The following ENOX1 variants were observed in gnomAD, a reference collection of about 807,000 sequenced individuals.
The protein encoded by ENOX1 is ecto-NOX disulfide-thiol exchanger 1, also known as candidate growth-related and time keeping constitutive hydroquinone (NADH) oxidase.
ENOX1 carries 42 observed loss-of-function variants against 82.5 expected under a neutral mutation model. The observed-to-expected ratio is 0.51, with a 90% CI of 0.40 to 0.66. ENOX1 has a LOEUF of 0.66. Among genes scored for constraint, ENOX1 ranks in the 30% least tolerant of loss-of-function variants. The pLI is 0.00. For missense variants in ENOX1, 608 were observed against 811.6 expected (o/e 0.75, Z 3.05); for synonymous variants, 271 against 282.2 (o/e 0.96, Z 0.40).
At chr13:43,568,434 T>C (rs2080017088) in intron 2 of ENOX1, among the ~76,000 whole-genome samples, 1 of 152,148 alleles carries the variant, frequency 6.6e-6, no homozygotes, top group African/African-American at 2.4e-5. Flanking sequence ...CAGAGACTCC[T>C]CTGGTCTTTT....
intron 2 of ENOX1, among the ~76,000 whole-genome samples, chr13:43,649,548 T>A (rs1268000204): frequency 6.6e-6 from 1 of 152,230 alleles, no homozygotes; most frequent in Non-Finnish European, 1.5e-5. Context: ...CACACTTTGA[T>A]AATTCACTGA....
chr13:43,685,176 A>C (rs963438465), intron 1 of ENOX1, among the ~76,000 whole-genome samples: 4 of 152,178 alleles, frequency 2.6e-5, no homozygotes, highest in Non-Finnish European at 5.9e-5. Context: ...ACACTTTCCT[A>C]CAATGGGTCT....
intron 2 of ENOX1, among the ~76,000 whole-genome samples, chr13:43,575,672 A>C (rs560050251): frequency 1.3e-5 from 2 of 152,310 alleles, no homozygotes; most frequent in East Asian, 3.9e-4. Context: ...GGCTCAAAAC[A>C]ATAGGATGAG....
intron 1 of ENOX1, among the ~76,000 whole-genome samples, chr13:43,697,072 C>T (rs546671559): frequency 3.9e-5 from 6 of 152,164 alleles, no homozygotes; most frequent in African/African-American, 7.2e-5. Flanking sequence ...GATGACTCTA[C>T]GTTTTTGGCA....
intron 2 of ENOX1, among the ~76,000 whole-genome samples, chr13:43,631,546 CA>C (rs1330248540): frequency 6.6e-6 from 1 of 151,984 alleles, no homozygotes; most frequent in Non-Finnish European, 1.5e-5. Context: ...TGTACTCTGC[CA>C]GTTTGAGTCA....
At chr13:43,528,812 C>T (rs1474459379) in intron 2 of ENOX1, among the ~76,000 whole-genome samples, 2 of 152,010 alleles carry the variant, frequency 1.3e-5, no homozygotes, top group Non-Finnish European at 2.9e-5. Flanking sequence ...AATCCTCTTT[C>T]TTTCTTAGGT....
intron 2 of ENOX1, among the ~76,000 whole-genome samples, chr13:43,627,380 C>T (rs1422262145): frequency 6.6e-6 from 1 of 151,854 alleles, no homozygotes; most frequent in Non-Finnish European, 1.5e-5. Context: ...TTTAGAATTC[C>T]ATTTTGATTC....
In ENOX1 at chr13:43,720,994, T is replaced by C. The variant is rs367695153; in HGVS notation, c.-284-53450A>G. Among the ~76,000 whole-genome samples, 12 of 152,288 alleles carry C rather than the reference T, an allele frequency of 7.9e-5. No homozygotes were observed. The East Asian group carries it at 2.1e-3, about 27-fold the overall frequency. ...CAACCACTTGCTGGAAATAATGACA[T>C]AGAAGAAAAGGGAAACACAGGGCAA... On this transcript the variant is annotated intron_variant, in intron 1 of 16. Coordinates refer to ENST00000690772, the MANE Select transcript of ENOX1 (RefSeq NM_001347969.2).
chr13:43,452,417 C>T (rs1415348707), intron 3 of ENOX1, among the ~76,000 whole-genome samples: 1 of 152,146 alleles, frequency 6.6e-6, no homozygotes, highest in Non-Finnish European at 1.5e-5. Flanking sequence ...TGATACTTTC[C>T]AGCTTCATCC....
At chr13:43,475,200 A>G (rs938078978) in intron 3 of ENOX1, among the ~76,000 whole-genome samples, 1 of 152,172 alleles carries the variant, frequency 6.6e-6, no homozygotes, top group African/African-American at 2.4e-5. Context: ...CTAATCTCAT[A>G]CTGGGGATAT....
chr13:43,603,168 A>G (rs1183042776), intron 2 of ENOX1, among the ~76,000 whole-genome samples: 2 of 152,036 alleles, frequency 1.3e-5, no homozygotes, highest in Non-Finnish European at 2.9e-5. Context: ...TAAGGAAGTT[A>G]TAAGGTGTCA....
intron 9 of ENOX1, among the ~76,000 whole-genome samples, chr13:43,334,258 C>CT (rs2048574316): frequency 6.6e-6 from 1 of 152,164 alleles, no homozygotes; most frequent in Admixed American, 6.5e-5. Context: ...CTGAGGTTCA[C>CT]TGAGACGAAT....
chr13:43,716,622 C>A (rs1042140613), intron 1 of ENOX1, among the ~76,000 whole-genome samples: 7 of 152,062 alleles, frequency 4.6e-5, no homozygotes, highest in African/African-American at 1.7e-4. Flanking sequence ...TAATTCTACA[C>A]ATAGAAAAGC....
intron 2 of ENOX1, among the ~76,000 whole-genome samples, chr13:43,512,749 G>A (rs2077417423): frequency 6.6e-6 from 1 of 151,580 alleles, no homozygotes; most frequent in Non-Finnish European, 1.5e-5. Context: ...ACATCAGTCA[G>A]TAATAAACCT....
At chr13:43,222,006 G>A (rs376664873) in intron 16 of ENOX1, among the ~76,000 whole-genome samples, 10 of 152,352 alleles carry the variant, frequency 6.6e-5, no homozygotes, top group South Asian at 4.1e-4. Context: ...CCCCAGGCAT[G>A]AGAAGGAACC....
intron 2 of ENOX1, among the ~76,000 whole-genome samples, chr13:43,582,883 A>G (rs2153720450): frequency 6.6e-6 from 1 of 152,334 alleles, no homozygotes; most frequent in South Asian, 2.1e-4. Flanking sequence ...TCTAGAAATT[A>G]TTGTATGTCA....
chr13:43,302,205 T>C (rs1351217632), intron 11 of ENOX1, among the ~76,000 whole-genome samples: 1 of 151,988 alleles, frequency 6.6e-6, no homozygotes, highest in South Asian at 2.1e-4. Context: ...ACACCCCATG[T>C]GGATTACCAA....
chr13:43,501,719 AT>A (rs2076987195), intron 2 of ENOX1, among the ~76,000 whole-genome samples: 1 of 151,300 alleles, frequency 6.6e-6, no homozygotes, highest in South Asian at 2.1e-4. Flanking sequence ...AAAATGAAAA[AT>A]ATACTAAAAC....
At chr13:43,437,412 T>C (rs1322136714) in intron 3 of ENOX1, among the ~76,000 whole-genome samples, 1 of 152,162 alleles carries the variant, frequency 6.6e-6, no homozygotes, top group Non-Finnish European at 1.5e-5. Context: ...GCTTCCACTT[T>C]CCTTTCCCGA....
Sources: gnomAD v4.1 joint callset for allele counts (sites outside exome capture counted in the v4.1 genomes callset) on GRCh38, gnomAD v4.1.1 for gene constraint, MANE v1.5 for transcripts, NCBI Gene and HGNC (gene_info 2026-07-23, HGNC 2026-07-21) for gene names.